Variants in CA9 observed in about 807,000 individuals in gnomAD.
CA9 encodes CA-IX.
Under a neutral mutation model 51.8 loss-of-function variants are expected in CA9, and 43 were observed. That is an observed-to-expected ratio of 0.83 (90% CI 0.65 to 1.07). The LOEUF (loss-of-function observed/expected upper bound fraction) is 1.07, where lower values mean the gene tolerates loss of function less well. Ranked by LOEUF, CA9 falls within the 50% of genes least tolerant of loss-of-function variation. The probability of loss-of-function intolerance (pLI) is 0.00; values close to 1 mark genes in which losing one functional copy is unlikely to be tolerated. For missense variants in CA9, 574 were observed against 581.4 expected, an observed-to-expected ratio of 0.99 and a Z score of 0.13; for synonymous variants, 253 against 244.2, an observed-to-expected ratio of 1.04 and a Z score of -0.34.
At chr9:35,676,467 C>T (rs893605166) in intron 5 of CA9, 78 bp downstream of exon 5, 1 of 1,202,622 alleles carries the variant, frequency 8.3e-7, no homozygotes, top group Non-Finnish European at 1.2e-6. Flanking sequence ...GAGCCAGAGA[C>T]CCCATCCCAG....
At chr9:35,675,692 T>G in intron 2 of CA9, 69 bp from the exon 3 acceptor site, 1 of 898,398 alleles carries the variant, frequency 1.1e-6, no homozygotes, top group Non-Finnish European at 1.6e-6. Flanking sequence ...CCCCCTCACC[T>G]TTTCTACCCG....
rs759137577 is a variant in CA9, at chr9:35,675,887, T to G, written c.560T>G (p.Leu187Arg). The change falls in exon 3 of 11, where the codon CTC (leucine) becomes CGC (arginine). Residue 187 changes from leucine (L) to arginine (R), a missense_variant. Coordinates refer to ENST00000378357, the MANE Select transcript of CA9 (RefSeq NM_001216.3). ...LRPLELLGFQ[L>R]PPLPELRLRN... ...CCCCTGGAACTCCTGGGCTTCCAGC[T>G]CCCGCCGCTCCCAGAACTGCGCCTG... The G allele has an allele frequency of 1.2e-5, 19 of 1,603,840 alleles. No homozygotes were observed. Among genetic ancestry groups the G allele is most frequent in the Admixed American group, 6.7e-5 (4 of 59,692 alleles).
chr9:35,675,454 C>A, intron 1 of CA9, 84 bp from the exon 2 acceptor site: 1 of 1,456,374 alleles, frequency 6.9e-7, no homozygotes, highest in South Asian at 1.1e-5. Context: ...TCCTGTAAGG[C>A]ATCTGCGTTT....
chr9:35,675,757 C>G lies in CA9; in HGVS notation c.434-4C>G, dbSNP rs2131835372. 3 of 1,601,336 alleles carry G rather than the reference C, an allele frequency of 1.9e-6. No homozygotes were observed. Among genetic ancestry groups the G allele is most frequent in the African/African-American group, 2.7e-5 (2 of 74,896 alleles). ...GACTTCCTCACTATACTCTCCCACC[C>G]CAGGCGACCCGCCCTGGCCCCGGGT... On this transcript the variant is annotated splice_region_variant and splice_polypyrimidine_tract_variant and intron_variant, in intron 2 of 10. Coordinates refer to ENST00000378357, the MANE Select transcript of CA9 (RefSeq NM_001216.3).
chr9:35,676,734 A>C (rs1824431535), intron 5 of CA9, among the ~76,000 whole-genome samples: 1 of 152,226 alleles, frequency 6.6e-6, no homozygotes, highest in Non-Finnish European at 1.5e-5. Context: ...TTGCAGAGGA[A>C]ACAGAATGTG....
Position 35,677,815 on chromosome 9 carries a change from A to T in CA9, c.866A>T (p.Tyr289Phe). The change falls in exon 6 of 11, where the codon TAT (tyrosine) becomes TTT (phenylalanine). Residue 289 changes from tyrosine to phenylalanine, a missense_variant. By Grantham distance (22) the Tyr-to-Phe change is conservative. Coordinates refer to ENST00000378357, the MANE Select transcript of CA9 (RefSeq NM_001216.3). The part of the protein sequence containing the change: ...LEEGPEENSA[Y>F]EQLLSRLEEI... ...GAGGGCCCGGAAGAAAACAGTGCCTATGAGCAGTTGCTGTCTCGCTTGGAA... is the reference window on the plus strand; with the variant it reads ...GAGGGCCCGGAAGAAAACAGTGCCTTTGAGCAGTTGCTGTCTCGCTTGGAA... 1 of 1,614,158 alleles carries T rather than the reference A, an allele frequency of 6.2e-7. No individual in the cohort carries two copies. Among genetic ancestry groups the T allele is most frequent in the Non-Finnish European group, 8.5e-7 (1 of 1,179,978 alleles).
intron 3 of CA9, 31 bp from the exon 4 acceptor site, chr9:35,676,032 CG>C: frequency 6.2e-7 from 1 of 1,609,668 alleles, no homozygotes; most frequent in Non-Finnish European, 8.5e-7. Flanking sequence ...CCCTACCGGG[CG>C]GGGCCGGCTC....
In CA9 at chr9:35,680,104, T is replaced by A; in HGVS notation, c.1211-9T>A. The A allele has an allele frequency of 1.9e-6, 3 of 1,614,176 alleles. No homozygotes were observed. Among genetic ancestry groups the A allele is most frequent in the Non-Finnish European group, 2.5e-6 (3 of 1,180,024 alleles). On this transcript the variant is annotated splice_polypyrimidine_tract_variant and intron_variant, in intron 8 of 10. Transcript: ENST00000378357. ...CAGCCCGCCTCTCACATCTCCTTTT[T>A]CTCTCCAGTCCAGCTGAATTCCTGC...
chr9:35,680,786 T>C lies in CA9; in HGVS notation c.1271T>C (p.Phe424Ser). Residue 424 changes from phenylalanine (F) to serine (S), a missense_variant, in exon 10 of 11, where the codon TTT becomes TCT. Coordinates refer to ENST00000378357, the MANE Select transcript of CA9 (RefSeq NM_001216.3). ...DILALVFGLL[F>S]AVTSVAFLVQ... ...CTAGCCCTGGTTTTTGGCCTCCTTT[T>C]TGCTGTCACCAGCGTCGCGTTCCTT... is the stretch of plus-strand genomic sequence containing the variant. The C allele has an allele frequency of 6.2e-7, 1 of 1,614,206 alleles. No individual in the cohort carries two copies. Among genetic ancestry groups the C allele is most frequent in the African/African-American group, 1.3e-5 (1 of 75,048 alleles).
Position 35,674,054 on chromosome 9 carries a change from T to A in CA9, c.95T>A (p.Leu32Gln), listed in dbSNP as rs548199907. The change falls in exon 1 of 11, where the codon CTG becomes CAG. Residue 32 changes from leucine to glutamine, a missense_variant. Coordinates refer to ENST00000378357, the MANE Select transcript of CA9 (RefSeq NM_001216.3). ...CAACTGCTGCTGTCACTGCTGCTTC[T>A]GGTGCCTGTCCATCCCCAGAGGTTG... ...TVQLLLSLLL[L>Q]VPVHPQRLPR... 1 of 1,614,224 alleles carries A rather than the reference T, an allele frequency of 6.2e-7. No homozygotes were observed. Among genetic ancestry groups the A allele is most frequent in the Admixed American group, 1.7e-5 (1 of 60,032 alleles).
chr9:35,675,390 C>A, intron 1 of CA9, 148 bp from the exon 2 acceptor site: 1 of 786,736 alleles, frequency 1.3e-6, no homozygotes, highest in South Asian at 1.6e-5. Flanking sequence ...AGTTTGGGTG[C>A]GGTCTCCTGT....
chr9:35,674,565 C>T (rs957601392), intron 1 of CA9: 23 of 541,550 alleles, frequency 4.2e-5, no homozygotes, highest in Non-Finnish European at 7.4e-5. Context: ...AAAAAGGGTG[C>T]AAAAGGAGAG....
rs1824405100 is a variant in CA9, at chr9:35,675,798, G to A, written c.471G>A (p.Ala157=). 1.2e-6 allele frequency: 2 copies of A among 1,603,066 alleles called. No homozygotes were observed. The highest frequency in any genetic ancestry group is 1.3e-5 in the African/African-American group (1 of 74,916). ...GGCCCCGGGTGTCCCCAGCCTGCGC[G>A]GGCCGCTTCCAGTCCCCGGTGGATA... ...PPWPRVSPAC[A]GRFQSPVDIR... The change falls in exon 3 of 11, where the codon GCG becomes GCA. Residue 157 remains alanine (A), a synonymous_variant. Coordinates refer to ENST00000378357, the MANE Select transcript of CA9 (RefSeq NM_001216.3).
Position 35,679,320 on chromosome 9 carries a change from C to G in CA9, c.1043C>G (p.Thr348Arg), listed in dbSNP as rs1407792341. 6 of 1,613,744 alleles carry G rather than the reference C, an allele frequency of 3.7e-6. No individual in the cohort carries two copies. In the South Asian group the frequency reaches 5.5e-5, roughly 15 times the overall value. Residue 348 changes from threonine (T) to arginine (R), a missense_variant, in exon 7 of 11, where the codon ACA becomes AGA. Transcript: ENST00000378357. ...GTCATCTGGACTGTGTTTAACCAGACAGTGATGCTGAGTGCTAAGCAGGTG... is the reference window on the plus strand; with the variant it reads ...GTCATCTGGACTGTGTTTAACCAGAGAGTGATGCTGAGTGCTAAGCAGGTG... ...QGVIWTVFNQ[T>R]VMLSAKQLHT...
At chr9:35,678,077 T>C (rs1341193636) in intron 6 of CA9, among the ~76,000 whole-genome samples, 2 of 151,898 alleles carry the variant, frequency 1.3e-5, no homozygotes, top group East Asian at 3.9e-4. Flanking sequence ...CCGGGCACGG[T>C]GGCTCACGCC....
intron 1 of CA9, chr9:35,675,192 CCATGT>C: frequency 3.6e-6 from 1 of 276,848 alleles, no homozygotes; most frequent in Non-Finnish European, 6.8e-6. Context: ...CGGGGTTTCG[CCATGT>C]TGGTCAGGCT....
intron 7 of CA9, among the ~76,000 whole-genome samples, chr9:35,679,646 A>G (rs537504641): frequency 2.7e-4 from 41 of 152,306 alleles, no homozygotes; most frequent in African/African-American, 9.4e-4. Flanking sequence ...GCTTGATTCC[A>G]GGAGTTTGAG....
chr9:35,680,705 C>A, intron 9 of CA9, 48 bp from the exon 10 acceptor site: 2 of 1,510,350 alleles, frequency 1.3e-6, no homozygotes, highest in Non-Finnish European at 1.8e-6. Context: ...AGGAACTCTG[C>A]AGACCCCTCT....
At chr9:35,680,920 C>G in intron 10 of CA9, 45 bp from the exon 11 acceptor site, 8 of 1,612,314 alleles carry the variant, frequency 5.0e-6, no homozygotes, top group Non-Finnish European at 6.8e-6. Context: ...ATGAGCTGCT[C>G]CTGGGCCAGT....
Sources: allele counts gnomAD v4.1 joint callset (sites outside exome capture counted in the v4.1 genomes callset), GRCh38; gene constraint gnomAD v4.1.1; transcripts MANE v1.5; gene names NCBI Gene and HGNC (gene_info 2026-07-23, HGNC 2026-07-21).